GRHL1: variants seen among roughly 807,000 people sequenced by gnomAD.
The protein encoded by GRHL1 is grainyhead like transcription factor 1.
GRHL1 carries 38 observed loss-of-function variants against 75.7 expected under a neutral mutation model. That is an observed-to-expected ratio of 0.50 (90% confidence interval 0.39 to 0.66). The LOEUF is 0.66. GRHL1 is among the 30% of genes least tolerant of loss of function. The pLI is 0.00. For synonymous variants in GRHL1, 266 were observed against 279.4 expected, an observed-to-expected ratio of 0.95 and a Z score of 0.48; for missense variants, 589 against 767.5, an observed-to-expected ratio of 0.77 and a Z score of 2.75.
rs1487958894 is a variant in GRHL1, at chr2:9,961,331, G to A, written c.564G>A (p.Arg188=). The A allele has an allele frequency of 1.2e-6, 2 of 1,614,198 alleles. No homozygotes were observed. Among genetic ancestry groups the A allele is most frequent in the East Asian group, 2.2e-5 (1 of 44,878 alleles). Residue 188 remains arginine (R), a synonymous_variant, in exon 4 of 16, where the codon CGG becomes CGA. Coordinates refer to ENST00000324907, the MANE Select transcript of GRHL1 (RefSeq NM_198182.3). ...CTGAGCGGGTGGTGGTTTTCGATCG[G>A]AATCTCAATACTGACCAGTTCAGCT... ...EPTERVVVFD[R]NLNTDQFSSG...
At chr2:9,960,826 G>C in intron 3 of GRHL1, 1 of 513,392 alleles carries the variant, frequency 1.9e-6, no homozygotes, top group Non-Finnish European at 3.4e-6. Context: ...TGAGCCCTTA[G>C]TATTTCGAAT....
In GRHL1 at chr2:9,964,357, C is replaced by T; in HGVS notation, c.1015+11C>T. ...GATGCATTGACATAGGTAAGCAGCT[C>T]AAGAGCCCGCTTTTATTCCCAGAGG... On this transcript the variant is annotated intron_variant, in intron 7 of 15. Coordinates refer to ENST00000324907, the MANE Select transcript of GRHL1 (RefSeq NM_198182.3). 1 of 1,399,120 alleles carries T rather than the reference C, an allele frequency of 7.1e-7. No individual in the cohort carries two copies. Among genetic ancestry groups the T allele is most frequent in the Non-Finnish European group, 1.0e-6 (1 of 994,014 alleles). 86.7% of individuals were successfully genotyped at this position (1,399,120 alleles called of 1,614,324 possible).
intron 2 of GRHL1, among the ~76,000 whole-genome samples, chr2:9,958,266 C>G (rs1288651304): frequency 2.6e-5 from 4 of 151,554 alleles, no homozygotes; most frequent in African/African-American, 9.7e-5. Context: ...TAACCTCTGC[C>G]TCCGGGCTGA....
chr2:9,978,991 C>CAA (rs200927111), intron 8 of GRHL1, among the ~76,000 whole-genome samples: 10 of 148,478 alleles, frequency 6.7e-5, no homozygotes, highest in Non-Finnish European at 1.2e-4. Context: ...AACTCCCTCT[C>CAA]AAAAAACAAA....
rs368058137 is a variant in GRHL1 at position 9,965,280 on chromosome 2, C to T, written c.1016-7C>T. On this transcript the variant is annotated splice_region_variant and splice_polypyrimidine_tract_variant and intron_variant, in intron 7 of 15. Transcript: ENST00000324907. Reference sequence around the variant, plus strand: ...GTTTTCATTTTCTCTTCCACCGCTTCCTGTAGCTGACTATAAAGAAAGCTT... The same window carrying T: ...GTTTTCATTTTCTCTTCCACCGCTTTCTGTAGCTGACTATAAAGAAAGCTT... The T allele has an allele frequency of 1.8e-5, 27 of 1,530,558 alleles. No homozygotes were observed. Among genetic ancestry groups the T allele is most frequent in the Non-Finnish European group, 2.2e-5 (24 of 1,104,164 alleles). 94.8% of individuals were successfully genotyped at this position (1,530,558 alleles called of 1,614,324 possible). A position where few individuals can be genotyped will look rare whatever the true frequency, so the allele number is the denominator to read the frequency against.
intron 12 of GRHL1, among the ~76,000 whole-genome samples, chr2:9,994,556 G>A (rs962677579): frequency 9.2e-5 from 14 of 151,974 alleles, no homozygotes; most frequent in East Asian, 3.9e-4. Flanking sequence ...GTTACCCATC[G>A]TGCCTCTCTT....
At position 9,951,743 on chromosome 2, in the gene GRHL1, A is replaced by G; in HGVS notation, c.-91A>G. 1 of 1,233,084 alleles carries G rather than the reference A, an allele frequency of 8.1e-7. No homozygotes were observed. 76.4% of individuals were successfully genotyped at this position (1,233,084 alleles called of 1,614,324 possible). ...GTCGGGGCCGCCGCTCCGGACCCGC[A>G]GCCGCCGCCGCCGCCTCCTCCCCCC... is the stretch of plus-strand genomic sequence containing the variant. On this transcript the variant is annotated 5_prime_UTR_variant, in exon 1 of 16. Coordinates refer to ENST00000324907, the MANE Select transcript of GRHL1 (RefSeq NM_198182.3). This position sits in a 1 kb window ranked among gnomAD's most constrained non-coding sequence, Gnocchi z 4.2.
Position 9,955,301 on chromosome 2 carries a change from A to G in GRHL1, c.207+200A>G, listed in dbSNP as rs560395422. On this transcript the variant is annotated intron_variant, in intron 2 of 15. Transcript: ENST00000324907. ...AGAATCAAAGGGTTGTTTTTAAAAC[A>G]TGCAAAGCGGTCAGCTGCTGTGGCT... 2.6e-5 allele frequency among the ~76,000 whole-genome samples: 4 copies of G among 152,358 alleles called. No homozygotes were observed. In the South Asian group the frequency reaches 8.3e-4, roughly 32 times the overall value.
At position 9,998,989 on chromosome 2, in the gene GRHL1, C is replaced by A. The variant is rs776570145; in HGVS notation, c.1702C>A (p.His568Asn). The A allele has an allele frequency of 1.3e-6, 2 of 1,577,806 alleles. No homozygotes were observed. Among genetic ancestry groups the A allele is most frequent in the South Asian group, 2.3e-5 (2 of 88,028 alleles). The change falls in exon 15 of 16, where the codon CAT becomes AAT. Residue 568 changes from histidine to asparagine, a missense_variant. Transcript: ENST00000324907. Reference sequence around the variant, plus strand: ...GATCTCAGACAAATACGATGTTCCCCATGACAAGATTGGGAAAATATTCAA... The same window carrying A: ...GATCTCAGACAAATACGATGTTCCCAATGACAAGATTGGGAAAATATTCAA... Reference protein sequence around the residue: ...EAISDKYDVPHDKIGKIFKKC... With the variant: ...EAISDKYDVPNDKIGKIFKKC...
intron 14 of GRHL1, among the ~76,000 whole-genome samples, chr2:9,997,343 G>A (rs532772826): frequency 4.6e-5 from 7 of 152,146 alleles, no homozygotes; most frequent in Non-Finnish European, 7.4e-5. Flanking sequence ...GAGATGGGGC[G>A]TGGGTTTGGG....
At chr2:9,969,750 T>C (rs571227069) in intron 8 of GRHL1, among the ~76,000 whole-genome samples, 1 of 151,946 alleles carries the variant, frequency 6.6e-6, no homozygotes, top group African/African-American at 2.4e-5. Context: ...CTACCCAGTA[T>C]GGCAGATGGG....
chr2:9,953,947 T>C (rs965172546), intron 1 of GRHL1, among the ~76,000 whole-genome samples: 1 of 152,236 alleles, frequency 6.6e-6, no homozygotes, highest in African/African-American at 2.4e-5. Context: ...GTGTTCCATT[T>C]TTTCTCTTTA....
chr2:9,953,482 A>T (rs1042887720), intron 1 of GRHL1, among the ~76,000 whole-genome samples: 1 of 152,220 alleles, frequency 6.6e-6, no homozygotes, highest in Admixed American at 6.5e-5. Context: ...TAGACAAATG[A>T]TCTGCTGGCT....
rs1413262022 is a variant in GRHL1 at position 9,961,269 on chromosome 2, G to A, written c.502G>A (p.Val168Met). The change falls in exon 4 of 16, where the codon GTG becomes ATG. Residue 168 changes from valine (V) to methionine (M), a missense_variant. Physicochemically the swap from Val to Met is conservative, Grantham distance 21. Around this residue, in one of 5 missense-constraint regions of GRHL1, gnomAD observed 362 missense variants for 461.8 expected, o/e 0.78. Transcript: ENST00000324907. ...KTETQPHGFA[V>M]GIPPAVYHPE... ...AGAAACCCAGCCACATGGCTTCGCTGTGGGAATCCCCCCAGCAGTGTATCA... is the reference window on the plus strand; with the variant it reads ...AGAAACCCAGCCACATGGCTTCGCTATGGGAATCCCCCCAGCAGTGTATCA... The A allele has an allele frequency of 1.9e-6, 3 of 1,614,200 alleles. No individual in the cohort carries two copies. Among genetic ancestry groups the A allele is most frequent in the Non-Finnish European group, 2.5e-6 (3 of 1,180,034 alleles).
At chr2:9,980,564 T>C (rs1012475136) in intron 8 of GRHL1, among the ~76,000 whole-genome samples, 2 of 152,214 alleles carry the variant, frequency 1.3e-5, no homozygotes, top group African/African-American at 4.8e-5. Flanking sequence ...CAGTTTATGT[T>C]TGTGGTTAGT....
At chr2:9,953,082 G>A in intron 1 of GRHL1, 1 of 456,716 alleles carries the variant, frequency 2.2e-6, no homozygotes, top group Non-Finnish European at 4.4e-6. Context: ...ATTTCTTGAC[G>A]TATAGTTTAG....
In GRHL1 at chr2:9,966,489, A is replaced by G. The variant is rs1240304555; in HGVS notation, c.1110+1108A>G. On this transcript the variant is annotated intron_variant, in intron 8 of 15. Transcript: ENST00000324907. ...AGACTGATCTTTAGTTTTCCTTACA[A>G]TATTAGGTATAGCATTCTCTCAGAG... 2.0e-5 allele frequency: 3 copies of G among 152,174 alleles called. No homozygotes were observed. The East Asian group carries it at 5.8e-4, about 29-fold the overall frequency. 9.4% of individuals were successfully genotyped at this position (152,174 alleles called of 1,614,324 possible). A position where few individuals can be genotyped will look rare whatever the true frequency, so the allele number is the denominator to read the frequency against.
At chr2:9,989,120 A>C (rs1668538891) in intron 9 of GRHL1, among the ~76,000 whole-genome samples, 1 of 152,144 alleles carries the variant, frequency 6.6e-6, no homozygotes, top group South Asian at 2.1e-4. Flanking sequence ...AGCAATTTTT[A>C]TAAGCAGGTT....
intron 8 of GRHL1, among the ~76,000 whole-genome samples, chr2:9,985,756 C>T (rs1278226766): frequency 6.6e-6 from 1 of 152,202 alleles, no homozygotes; most frequent in Non-Finnish European, 1.5e-5. Context: ...GAAGTTTTTA[C>T]TAAGTTACAG....
Sources: allele counts gnomAD v4.1 joint callset (sites outside exome capture counted in the v4.1 genomes callset), GRCh38; gene constraint gnomAD v4.1.1; regional missense constraint gnomAD v4.1.1; non-coding constraint Gnocchi (gnomAD v3.1); transcripts MANE v1.5; gene names NCBI Gene and HGNC (gene_info 2026-07-23, HGNC 2026-07-21).